ENTREP1: variants seen among roughly 807,000 people sequenced by gnomAD.
ENTREP1 encodes the protein Friedreich ataxia region gene X123.
At chr9:69,373,280 TG>T in the ENTREP1 span, among the ~76,000 whole-genome samples, 1,208 of 152,302 alleles carry the variant, frequency 7.9e-3, 8 homozygotes, top group Middle Eastern at 0.041. Flanking sequence ...ATGTTGTAAG[TG>T]TTGTTTTCCT....
At chr9:69,357,485 C>T in the ENTREP1 span, among the ~76,000 whole-genome samples, 1 of 152,174 alleles carries the variant, frequency 6.6e-6, no homozygotes, top group African/African-American at 2.4e-5. Flanking sequence ...GAAAGAGCAA[C>T]AGTCGGTTCT....
chr9:69,324,592 T>G, the ENTREP1 span: 1 of 985,242 alleles, frequency 1.0e-6, no homozygotes, highest in African/African-American at 1.7e-5. Context: ...TTCCCGCTCC[T>G]ACCGAGATGC....
chr9:69,375,669 C>T, the ENTREP1 span: 1 of 1,289,410 alleles, frequency 7.8e-7, no homozygotes, highest in Non-Finnish European at 1.1e-6. Context: ...GATTGGTGCT[C>T]CATGGTAGAG....
the ENTREP1 span, chr9:69,379,941 T>G: frequency 1.3e-5 from 2 of 152,220 alleles, no homozygotes; most frequent in Non-Finnish European, 2.9e-5. Flanking sequence ...TTTCCACTCT[T>G]TAAGATCTAG....
the ENTREP1 span, among the ~76,000 whole-genome samples, chr9:69,328,928 A>G: frequency 6.6e-6 from 1 of 151,688 alleles, no homozygotes; most frequent in African/African-American, 2.4e-5. Flanking sequence ...GTCTCTGTAG[A>G]TATGTCTGTT....
chr9:69,352,163 C>G, the ENTREP1 span, among the ~76,000 whole-genome samples: 1 of 152,038 alleles, frequency 6.6e-6, no homozygotes, highest in Non-Finnish European at 1.5e-5. Context: ...GTTGCCCAGG[C>G]TGGAGTGCAG....
At chr9:69,367,463 A>G in the ENTREP1 span, among the ~76,000 whole-genome samples, 1 of 150,928 alleles carries the variant, frequency 6.6e-6, no homozygotes. Context: ...TCATTTTGAT[A>G]ATATTAATTT....
chr9:69,337,368 G>A, the ENTREP1 span, among the ~76,000 whole-genome samples: 1 of 151,926 alleles, frequency 6.6e-6, no homozygotes, highest in Non-Finnish European at 1.5e-5. Context: ...ACTTTTTATT[G>A]TTATAATGTT....
the ENTREP1 span, among the ~76,000 whole-genome samples, chr9:69,326,302 G>T: frequency 5.6e-4 from 86 of 152,216 alleles, no homozygotes; most frequent in Non-Finnish European, 1.1e-3. Context: ...GTGAACTGGC[G>T]CTTGTACCTG....
chr9:69,371,600 G>C, the ENTREP1 span: 2 of 1,608,438 alleles, frequency 1.2e-6, no homozygotes, highest in Non-Finnish European at 1.7e-6. Context: ...GCGTGCCCAG[G>C]TGTGATCTGG....
chr9:69,391,778 G>A, the ENTREP1 span: 1 of 1,610,082 alleles, frequency 6.2e-7, no homozygotes, highest in Non-Finnish European at 8.5e-7. Flanking sequence ...CAGCCTCATT[G>A]GGGTCATCCG....
chr9:69,336,304 A>G, the ENTREP1 span: 1 of 1,327,256 alleles, frequency 7.5e-7, no homozygotes, highest in African/African-American at 1.5e-5. Flanking sequence ...TACCCTTTAT[A>G]AAATGTGCTA....
chr9:69,361,760 T>C, the ENTREP1 span, among the ~76,000 whole-genome samples: 2 of 152,160 alleles, frequency 1.3e-5, no homozygotes, highest in African/African-American at 2.4e-5. Flanking sequence ...TTCCAAAGAG[T>C]ATCTGGTGCC....
the ENTREP1 span, among the ~76,000 whole-genome samples, chr9:69,340,817 G>GCA: frequency 1.1e-4 from 16 of 151,400 alleles, no homozygotes; most frequent in African/African-American, 3.6e-4. Flanking sequence ...GTGTGTATGT[G>GCA]TGTGTGTGTG....
the ENTREP1 span, among the ~76,000 whole-genome samples, chr9:69,331,357 A>G: frequency 6.6e-6 from 1 of 152,196 alleles, no homozygotes; most frequent in Non-Finnish European, 1.5e-5. Context: ...TTTGGTTTTT[A>G]CGTTGGAAAA....
the ENTREP1 span, among the ~76,000 whole-genome samples, chr9:69,333,414 C>T: frequency 2.6e-5 from 4 of 151,936 alleles, no homozygotes; most frequent in African/African-American, 9.7e-5. Context: ...AAGTGATTCT[C>T]CTGCCTCAGC....
the ENTREP1 span, among the ~76,000 whole-genome samples, chr9:69,359,314 T>A: frequency 6.6e-6 from 1 of 152,200 alleles, no homozygotes; most frequent in Non-Finnish European, 1.5e-5. Flanking sequence ...ATGAGCATAC[T>A]AAGAACTTGA....
the ENTREP1 span, chr9:69,388,136 T>C: frequency 7.6e-5 from 122 of 1,614,120 alleles, 2 homozygotes; most frequent in South Asian, 1.1e-3. Context: ...AATGGGTACA[T>C]GTTGTTTGTT....
chr9:69,353,193 G>A, the ENTREP1 span, among the ~76,000 whole-genome samples: 2 of 152,130 alleles, frequency 1.3e-5, no homozygotes, highest in Admixed American at 6.5e-5. Flanking sequence ...GCACCCCAAG[G>A]CAGATTATTT....
Sources: allele counts gnomAD v4.1 joint callset (sites outside exome capture counted in the v4.1 genomes callset), GRCh38; gene constraint gnomAD v4.1.1; transcripts MANE v1.5; gene names NCBI Gene and HGNC (gene_info 2026-07-23, HGNC 2026-07-21).